Variants in PTDSS1 observed in about 807,000 individuals in gnomAD.
PTDSS1 encodes PSS-1.
Under a neutral mutation model 70.5 loss-of-function variants are expected in PTDSS1, and 45 were observed. That is an observed-to-expected ratio of 0.64 (90% CI 0.50 to 0.82). The LOEUF is 0.82. PTDSS1 is among the 40% of genes least tolerant of loss of function. PTDSS1 has a pLI of 0.00. For synonymous variants in PTDSS1, 188 were observed against 203.8 expected (o/e 0.92, Z 0.66); for missense variants, 417 against 586.1 (o/e 0.71, Z 2.98).
chr8:96,322,735 G>A (rs1023387747), intron 10 of PTDSS1, among the ~76,000 whole-genome samples: 21 of 152,116 alleles, frequency 1.4e-4, no homozygotes, highest in Admixed American at 9.2e-4. Context: ...GTCTTCACTT[G>A]GCCCAGCATC....
chr8:96,272,203 T>G (rs1453814621), intron 1 of PTDSS1, among the ~76,000 whole-genome samples: 3 of 152,206 alleles, frequency 2.0e-5, no homozygotes, highest in Non-Finnish European at 2.9e-5. Flanking sequence ...ACTGATTTCT[T>G]TGCCATGTGA....
Position 96,311,062 on chromosome 8 carries a change from G to A in PTDSS1, c.1073+1440G>A, listed in dbSNP as rs375167971. On this transcript the variant is annotated intron_variant, in intron 9 of 12. Transcript: ENST00000517309. ...ATTACAGGCTTGAGCCACTGCGCCC[G>A]GCCTTAAATGTTATATTTTAATTTA... 1.6e-4 allele frequency among the ~76,000 whole-genome samples: 25 copies of A among 152,244 alleles called. No individual in the cohort carries two copies. The East Asian group carries it at 3.3e-3, about 20-fold the overall frequency.
chr8:96,325,467 C>A (rs1358302506), intron 10 of PTDSS1, among the ~76,000 whole-genome samples: 1 of 152,146 alleles, frequency 6.6e-6, no homozygotes, highest in Non-Finnish European at 1.5e-5. Context: ...TGCAGTGAAC[C>A]GCTGGCTTTC....
intron 8 of PTDSS1, among the ~76,000 whole-genome samples, chr8:96,307,832 A>G (rs1171783723): frequency 6.6e-6 from 1 of 152,264 alleles, no homozygotes; most frequent in Non-Finnish European, 1.5e-5. Flanking sequence ...TATATGATTT[A>G]TCATGAAATT....
At chr8:96,303,969 T>G (rs1003768732) in intron 6 of PTDSS1, 71 bp from the exon 7 acceptor site, 2 of 1,478,094 alleles carry the variant, frequency 1.4e-6, no homozygotes, top group Non-Finnish European at 1.8e-6. Context: ...GTGCACAGGA[T>G]TTTTTTCTTG....
At chr8:96,274,499 G>T (rs1810612381) in intron 2 of PTDSS1, among the ~76,000 whole-genome samples, 2 of 152,168 alleles carry the variant, frequency 1.3e-5, no homozygotes, top group African/African-American at 4.8e-5. Context: ...GCCGAGGTGG[G>T]CGGATCAGCT....
intron 4 of PTDSS1, among the ~76,000 whole-genome samples, chr8:96,290,503 T>G (rs1810886738): frequency 6.6e-6 from 1 of 152,180 alleles, no homozygotes; most frequent in Non-Finnish European, 1.5e-5. Flanking sequence ...GCTTTTAAAC[T>G]CTAGTTTTCA....
At chr8:96,324,053 G>GC (rs1440843220) in intron 10 of PTDSS1, among the ~76,000 whole-genome samples, 1 of 152,124 alleles carries the variant, frequency 6.6e-6, no homozygotes, top group Non-Finnish European at 1.5e-5. Flanking sequence ...AAGCCTTCAG[G>GC]CATGGACACA....
intron 11 of PTDSS1, 158 bp from the exon 12 acceptor site, chr8:96,330,868 T>C (rs1811505573): frequency 6.6e-6 from 4 of 603,514 alleles, no homozygotes; most frequent in Non-Finnish European, 1.2e-5. Context: ...GAACCTTGTT[T>C]TTATAGCAGA....
chr8:96,306,794 C>G (rs1811130953), intron 8 of PTDSS1, among the ~76,000 whole-genome samples: 1 of 152,206 alleles, frequency 6.6e-6, no homozygotes. Context: ...CCATTATTAT[C>G]AGATTCCTTT....
intron 10 of PTDSS1, among the ~76,000 whole-genome samples, chr8:96,328,702 C>G (rs1811472680): frequency 6.6e-6 from 1 of 152,166 alleles, no homozygotes; most frequent in Non-Finnish European, 1.5e-5. Flanking sequence ...TAAGAAGGCA[C>G]TGTGTATCCA....
intron 2 of PTDSS1, 106 bp downstream of exon 2, chr8:96,273,496 G>A (rs960873192): frequency 2.3e-6 from 2 of 884,804 alleles, no homozygotes; most frequent in African/African-American, 3.4e-5. Flanking sequence ...TCTGAGTTTT[G>A]TGTAGTGGTT....
Position 96,306,821 on chromosome 8 carries a change from G to T in PTDSS1, c.1007+265G>T, listed in dbSNP as rs151163305. Among the ~76,000 whole-genome samples, 9 of 152,226 alleles carry T rather than the reference G, an allele frequency of 5.9e-5. 1 individual carries two copies. Among genetic ancestry groups the T allele is most frequent in the African/African-American group, 2.2e-4 (9 of 41,540 alleles). On this transcript the variant is annotated intron_variant, in intron 8 of 12. Coordinates refer to ENST00000517309, the MANE Select transcript of PTDSS1 (RefSeq NM_014754.3). Reference sequence around the variant, plus strand: ...GATTCCTTTACAGTCTTGGACTGCCGATCTTTTTTTCTCCTATAACATCAT... The same window carrying T: ...GATTCCTTTACAGTCTTGGACTGCCTATCTTTTTTTCTCCTATAACATCAT...
chr8:96,322,230 C>T (rs1400130862), intron 10 of PTDSS1, among the ~76,000 whole-genome samples: 1 of 152,198 alleles, frequency 6.6e-6, no homozygotes, highest in Non-Finnish European at 1.5e-5. Context: ...CCAGGCAGCC[C>T]TCTCTGGTCC....
chr8:96,329,301 C>T (rs1429774122), intron 10 of PTDSS1, among the ~76,000 whole-genome samples: 1 of 151,824 alleles, frequency 6.6e-6, no homozygotes, highest in Admixed American at 6.6e-5. Context: ...CTGGCAGTTG[C>T]CTTGTTTTGT....
At chr8:96,289,475 C>A in intron 4 of PTDSS1, among the ~76,000 whole-genome samples, 1 of 152,124 alleles carries the variant, frequency 6.6e-6, no homozygotes, top group East Asian at 1.9e-4. Flanking sequence ...CACCTGGCAC[C>A]CCTATTGGTC....
intron 9 of PTDSS1, among the ~76,000 whole-genome samples, chr8:96,316,139 G>A (rs539610515): frequency 3.3e-5 from 5 of 152,194 alleles, no homozygotes; most frequent in African/African-American, 7.2e-5. Context: ...CCATGTGATC[G>A]TTGGGTTCCT....
intron 1 of PTDSS1, among the ~76,000 whole-genome samples, chr8:96,270,766 ACTTTT>A (rs1411053554): frequency 1.5e-4 from 23 of 152,182 alleles, no homozygotes; most frequent in African/African-American, 5.3e-4. Flanking sequence ...AAAACTGCCA[ACTTTT>A]CAGAACCACC....
chr8:96,310,279 C>T (rs1198438406), intron 9 of PTDSS1, among the ~76,000 whole-genome samples: 1 of 151,088 alleles, frequency 6.6e-6, no homozygotes, highest in Admixed American at 6.6e-5. Flanking sequence ...ATTCTCCTGC[C>T]TCAGCCTCCC....
Sources: allele counts gnomAD v4.1 joint callset (sites outside exome capture counted in the v4.1 genomes callset), GRCh38; gene constraint gnomAD v4.1.1; transcripts MANE v1.5; gene names NCBI Gene and HGNC (gene_info 2026-07-23, HGNC 2026-07-21).